Variants in CLCA1 observed in about 807,000 individuals in gnomAD.
The protein encoded by CLCA1 is chloride channel accessory 1.
Under a neutral mutation model 85.6 loss-of-function variants are expected in CLCA1, and 59 were observed. The observed-to-expected ratio is 0.69, with a 90% confidence interval of 0.56 to 0.86. The LOEUF is 0.86. Ranked by LOEUF, CLCA1 falls within the 40% of genes least tolerant of loss-of-function variation. CLCA1 has a pLI of 0.00. For synonymous variants in CLCA1, 396 were observed against 398.3 expected (o/e 0.99, Z 0.07); for missense variants, 1,022 against 1,101.4 (o/e 0.93, Z 1.02).
rs1648134381 is a variant in CLCA1, at chr1:86,491,520, C to A, written c.1464+149C>A. ...GTCCAGCTTGATATTAAACATTATT[C>A]CTAAAATGCAACACTACTCATTTAA... On this transcript the variant is annotated intron_variant, in intron 9 of 13. Coordinates refer to ENST00000394711, the MANE Select transcript of CLCA1 (RefSeq NM_001285.4). 3 of 549,762 alleles carry A rather than the reference C, an allele frequency of 5.5e-6. No individual in the cohort carries two copies. The East Asian group carries it at 8.5e-5, about 16-fold the overall frequency. 34.1% of individuals were successfully genotyped at this position (549,762 alleles called of 1,614,324 possible).
intron 3 of CLCA1, among the ~76,000 whole-genome samples, chr1:86,475,509 T>C (rs752896954): frequency 3.2e-4 from 49 of 152,300 alleles, no homozygotes; most frequent in Non-Finnish European, 5.6e-4. Context: ...AATTTTCTAT[T>C]GTGGGAGACT....
chr1:86,490,004 G>A (rs1043567202), intron 8 of CLCA1, among the ~76,000 whole-genome samples: 1 of 152,184 alleles, frequency 6.6e-6, no homozygotes, highest in African/African-American at 2.4e-5. Flanking sequence ...ATAGGGCCAG[G>A]GAAGGAGCTA....
rs5744316 is a variant in CLCA1, at chr1:86,472,085, G to A, written c.163-1332G>A. Among the ~76,000 whole-genome samples, 714 of 150,594 alleles carry A rather than the reference G, an allele frequency of 4.7e-3. 7 individuals are homozygous for A. The highest frequency in any genetic ancestry group is 0.016 in the African/African-American group (664 of 40,916). ...ATATAATATTAAAACAAACAAAACTGTCTTGTCCTGAAGTCCACTTCCAGC... is the reference window on the plus strand; with the variant it reads ...ATATAATATTAAAACAAACAAAACTATCTTGTCCTGAAGTCCACTTCCAGC... On this transcript the variant is annotated intron_variant, in intron 1 of 13. Coordinates refer to ENST00000394711, the MANE Select transcript of CLCA1 (RefSeq NM_001285.4).
At chr1:86,477,746 A>G (rs963734316) in intron 4 of CLCA1, among the ~76,000 whole-genome samples, 2 of 152,250 alleles carry the variant, frequency 1.3e-5, no homozygotes, top group African/African-American at 2.4e-5. Flanking sequence ...ATAGTAAGTA[A>G]TGAATATAGT....
intron 5 of CLCA1, among the ~76,000 whole-genome samples, chr1:86,483,876 A>C (rs982770242): frequency 6.6e-6 from 1 of 152,208 alleles, no homozygotes; most frequent in East Asian, 1.9e-4. Flanking sequence ...TAATTTATAA[A>C]TGAAAGAGGT....
chr1:86,476,493 T>A lies in CLCA1; in HGVS notation c.497T>A (p.Phe166Tyr). The change falls in exon 4 of 14, where the codon TTT (phenylalanine) becomes TAT (tyrosine). Residue 166 changes from phenylalanine to tyrosine, a missense_variant. Coordinates refer to ENST00000394711, the MANE Select transcript of CLCA1 (RefSeq NM_001285.4). ...HEWAHLRWGVFDEYNNDEKFY... is the reference protein window; with the variant it reads ...HEWAHLRWGVYDEYNNDEKFY... ...TGGGCTCATCTACGATGGGGAGTAT[T>A]TGACGAGTACAATAATGATGAGAAA... 6.2e-7 allele frequency: 1 copy of A among 1,605,686 alleles called. No individual in the cohort carries two copies. The highest frequency in any genetic ancestry group is 1.1e-5 in the South Asian group (1 of 90,846).
chr1:86,492,437 AG>A (rs1648161707), intron 9 of CLCA1, among the ~76,000 whole-genome samples: 1 of 152,008 alleles, frequency 6.6e-6, no homozygotes, highest in Non-Finnish European at 1.5e-5. Context: ...CCTAACAGAG[AG>A]AGAGAGAGAG....
chr1:86,489,020 G>C lies in CLCA1; in HGVS notation c.1207G>C (p.Asp403His), dbSNP rs778900592. The change falls in exon 8 of 14, where the codon GAT becomes CAT. Residue 403 changes from aspartate to histidine, a missense_variant. Physicochemically the swap from Asp to His is moderately conservative, Grantham distance 81. Transcript: ENST00000394711. ...FTVIRKKYPTDGSEIVLLTDG... is the reference protein window; with the variant it reads ...FTVIRKKYPTHGSEIVLLTDG... ...GGTGATTAGGAAGAAATATCCAACT[G>C]ATGGATCTGAAATTGTGCTGCTGAC... The C allele has an allele frequency of 6.2e-7, 1 of 1,614,078 alleles. No homozygotes were observed. Among genetic ancestry groups the C allele is most frequent in the South Asian group, 1.1e-5 (1 of 91,072 alleles).
At chr1:86,490,428 GC>G (rs1257743274) in intron 8 of CLCA1, among the ~76,000 whole-genome samples, 2 of 152,126 alleles carry the variant, frequency 1.3e-5, no homozygotes, top group Admixed American at 1.3e-4. Context: ...GGACTGCCTG[GC>G]CTGGTGTAAA....
At chr1:86,498,494 G>C (rs1648359686) in intron 12 of CLCA1, 78 bp from the exon 13 acceptor site, 2 of 1,418,338 alleles carry the variant, frequency 1.4e-6, no homozygotes, top group Non-Finnish European at 2.0e-6. Flanking sequence ...GGAAGAGGGT[G>C]ATCTGATAAG....
At chr1:86,471,475 C>G (rs1647497488) in intron 1 of CLCA1, among the ~76,000 whole-genome samples, 1 of 151,990 alleles carries the variant, frequency 6.6e-6, no homozygotes, top group Admixed American at 6.6e-5. Flanking sequence ...GAAACAGATG[C>G]CAAAACAAAG....
In CLCA1 at chr1:86,473,481, A is replaced by C. The variant is rs765383297; in HGVS notation, c.227A>C (p.Asn76Thr). ...ACAGGAAAGCGATTTTATTTCAAAA[A>C]TGTTGCCATTTTGATTCCTGAAACA... is the stretch of plus-strand genomic sequence containing the variant. ...EATGKRFYFK[N>T]VAILIPETWK... The change falls in exon 2 of 14, where the codon AAT (asparagine) becomes ACT (threonine). Residue 76 changes from asparagine to threonine, a missense_variant. Physicochemically the swap from Asn to Thr is moderately conservative, Grantham distance 65. Coordinates refer to ENST00000394711, the MANE Select transcript of CLCA1 (RefSeq NM_001285.4). The C allele has an allele frequency of 2.5e-6, 4 of 1,610,382 alleles. No homozygotes were observed. The East Asian group carries it at 6.7e-5, about 27-fold the overall frequency.
chr1:86,477,023 C>T (rs1647692457), intron 4 of CLCA1, among the ~76,000 whole-genome samples: 2 of 152,226 alleles, frequency 1.3e-5, no homozygotes, highest in Admixed American at 1.3e-4. Flanking sequence ...AATCCTCCCA[C>T]CTCAGCCCCC....
At chr1:86,486,822 C>T in intron 7 of CLCA1, 69 bp downstream of exon 7, 1 of 1,395,404 alleles carries the variant, frequency 7.2e-7, no homozygotes, top group South Asian at 1.2e-5. Context: ...CTTCCATTTC[C>T]AGTGTTTCCA....
rs74097396 is a variant in CLCA1, at chr1:86,493,179, G to C, written c.1465-205G>C. Among the ~76,000 whole-genome samples the C allele has an allele frequency of 3.2e-3, 488 of 152,200 alleles. 6 individuals carry two copies. The highest frequency in any genetic ancestry group is 0.011 in the African/African-American group (466 of 41,526). ...ACAAGGACCTTTGGGGAGTGGTCTT[G>C]TTTGGGTGGAGGATGGAAAATTGTG... On this transcript the variant is annotated intron_variant, in intron 9 of 13. Transcript: ENST00000394711.
intron 9 of CLCA1, among the ~76,000 whole-genome samples, chr1:86,491,797 A>G (rs571972375): frequency 6.6e-6 from 1 of 152,320 alleles, no homozygotes; most frequent in African/African-American, 2.4e-5. Flanking sequence ...CAAGATTTAC[A>G]TATAATGGAC....
At chr1:86,479,280 A>G (rs980049341) in intron 4 of CLCA1, among the ~76,000 whole-genome samples, 1 of 152,260 alleles carries the variant, frequency 6.6e-6, no homozygotes, top group Non-Finnish European at 1.5e-5. Context: ...AATGAAAGGT[A>G]TGATAAAAGT....
intron 4 of CLCA1, among the ~76,000 whole-genome samples, chr1:86,480,320 C>A (rs1647783401): frequency 6.6e-6 from 1 of 152,118 alleles, no homozygotes; most frequent in South Asian, 2.1e-4. Flanking sequence ...ACATAAAGAG[C>A]TTTTGAAAAA....
intron 1 of CLCA1, among the ~76,000 whole-genome samples, chr1:86,469,994 A>C (rs1238309533): frequency 6.6e-6 from 1 of 152,226 alleles, no homozygotes; most frequent in East Asian, 1.9e-4. Context: ...TCTTCTGTTC[A>C]TCTAAATTTA....
Sources: gnomAD v4.1 joint callset for allele counts (sites outside exome capture counted in the v4.1 genomes callset) on GRCh38, gnomAD v4.1.1 for gene constraint, MANE v1.5 for transcripts, NCBI Gene and HGNC (gene_info 2026-07-23, HGNC 2026-07-21) for gene names.